ARHGAP39: variants seen among roughly 807,000 people sequenced by gnomAD.
ARHGAP39 encodes the protein Rho GTPase activating protein 39.
A neutral mutation model predicts 106.9 loss-of-function variants in ARHGAP39; 44 were observed. The observed-to-expected ratio is 0.41, with a 90% CI of 0.32 to 0.53. ARHGAP39 has a LOEUF of 0.53. Ranked by LOEUF, ARHGAP39 falls within the 20% of genes least tolerant of loss-of-function variation. ARHGAP39 has a pLI of 0.21. For missense variants in ARHGAP39, 1,496 were observed against 1,577.3 expected (o/e 0.95, Z 0.87); for synonymous variants, 768 against 693.2 (o/e 1.11, Z -1.69).
chr8:144,652,411 A>G (rs1821596642), intron 1 of ARHGAP39, among the ~76,000 whole-genome samples: 2 of 152,196 alleles, frequency 1.3e-5, no homozygotes, highest in Admixed American at 1.3e-4. Flanking sequence ...ATTATTGGGT[A>G]TACACCCAGA....
intron 1 of ARHGAP39, among the ~76,000 whole-genome samples, chr8:144,643,991 T>G (rs1586633808): frequency 1.3e-5 from 2 of 152,294 alleles, no homozygotes; most frequent in Admixed American, 6.5e-5. Flanking sequence ...CCTCGTACAC[T>G]GCAAGTAAGA....
rs565456977 is a variant in ARHGAP39, at chr8:144,604,750, C to T, written c.80+785G>A. Among the ~76,000 whole-genome samples, 29 of 152,260 alleles carry T rather than the reference C, an allele frequency of 1.9e-4. No homozygotes were observed. The highest frequency in any genetic ancestry group is 4.1e-4 in the South Asian group (2 of 4,822). ...TGGAGGCATGGGACACTGGCTGAGACGGGACAGGGCCAGATTTACTTGTGG... is the reference window on the plus strand; with the variant it reads ...TGGAGGCATGGGACACTGGCTGAGATGGGACAGGGCCAGATTTACTTGTGG... On this transcript the variant is annotated intron_variant, in intron 2 of 11. Transcript: ENST00000377307. This position sits in a 1 kb window ranked among gnomAD's most constrained non-coding sequence, Gnocchi z 4.1.
chr8:144,619,795 C>T (rs1296608082), intron 1 of ARHGAP39, among the ~76,000 whole-genome samples: 24 of 129,208 alleles, frequency 1.9e-4, no homozygotes, highest in African/African-American at 4.4e-4. Context: ...CGAGAGAGCG[C>T]GTGCCCGTGT....
chr8:144,680,410 G>C (rs1822376732), intron 1 of ARHGAP39, among the ~76,000 whole-genome samples: 1 of 152,242 alleles, frequency 6.6e-6, no homozygotes, highest in Non-Finnish European at 1.5e-5. Flanking sequence ...AGGCGCAGCT[G>C]TTGAATAAAA....
chr8:144,644,023 G>A lies in ARHGAP39; in HGVS notation c.-81-38328C>T, dbSNP rs1368701900. On this transcript the variant is annotated intron_variant, in intron 1 of 11. Coordinates refer to ENST00000377307, the MANE Select transcript of ARHGAP39 (RefSeq NM_025251.3). This position sits in a 1 kb window ranked among gnomAD's most constrained non-coding sequence, Gnocchi z 4.8. Reference sequence around the variant, plus strand: ...AAGAACTCACTTTGGAAAACAGTTTGGCAAAAATCTACCACGTGACCCAGC... The same window carrying A: ...AAGAACTCACTTTGGAAAACAGTTTAGCAAAAATCTACCACGTGACCCAGC... Among the ~76,000 whole-genome samples the A allele has an allele frequency of 6.6e-6, 1 of 152,162 alleles. No individual in the cohort carries two copies. Among genetic ancestry groups the A allele is most frequent in the Non-Finnish European group, 1.5e-5 (1 of 68,030 alleles).
At chr8:144,557,754 G>C (rs1020597501) in intron 3 of ARHGAP39, among the ~76,000 whole-genome samples, 1 of 152,146 alleles carries the variant, frequency 6.6e-6, no homozygotes. Context: ...GTAGTATTCA[G>C]TGGCAAAAGG....
chr8:144,542,622 T>TGGGGGGGGGGCCCC (rs1817240662), intron 6 of ARHGAP39, among the ~76,000 whole-genome samples: 1 of 147,826 alleles, frequency 6.8e-6, no homozygotes. Context: ...TTCTTTTTCC[T>TGGGGGGGGGGCCCC]ACCCGCCCCC....
chr8:144,601,742 GGCGTGT>G (rs1819968421), intron 2 of ARHGAP39, among the ~76,000 whole-genome samples: 1 of 141,528 alleles, frequency 7.1e-6, no homozygotes, highest in African/African-American at 2.7e-5. Context: ...TGTGCGTGGA[GGCGTGT>G]GTGCTCGTGA....
intron 2 of ARHGAP39, chr8:144,584,087 G>T (rs1347556208): frequency 6.6e-6 from 1 of 152,390 alleles, no homozygotes; most frequent in African/African-American, 2.4e-5. Context: ...AGTGGCATAT[G>T]TGTTTACATG....
In ARHGAP39 at chr8:144,547,856, C is replaced by A; in HGVS notation, c.1230G>T (p.Leu410=). 1 of 1,586,570 alleles carries A rather than the reference C, an allele frequency of 6.3e-7. No homozygotes were observed. The highest frequency in any genetic ancestry group is 8.6e-7 in the Non-Finnish European group (1 of 1,167,046). ...YVEQAGSSPK[L]RAGPRHKYAP... is the part of the protein sequence containing the mutation. ...CGTACTTGTGCCGCGGGCCGGCGCG[C>A]AGCTTGGGGCTGGAGCCCGCCTGCT... The change falls in exon 5 of 12, where the codon CTG becomes CTT. Residue 410 remains leucine, a synonymous_variant. Transcript: ENST00000377307. The surrounding 1 kb of genome is among the most constrained non-coding windows in gnomAD (Gnocchi z 5.2).
At chr8:144,579,417 T>C (rs1818886160) in intron 3 of ARHGAP39, among the ~76,000 whole-genome samples, 2 of 152,132 alleles carry the variant, frequency 1.3e-5, no homozygotes, top group Non-Finnish European at 2.9e-5. Context: ...CTGGTCCTCT[T>C]TGTGCCCGCC....
At chr8:144,532,253 A>T in intron 10 of ARHGAP39, 52 bp downstream of exon 10, 3 of 1,571,180 alleles carry the variant, frequency 1.9e-6, no homozygotes, top group Non-Finnish European at 2.6e-6. Flanking sequence ...GGCCCCTGAG[A>T]ACCACTGCCT....
chr8:144,697,029 A>G, the ARHGAP39 span, among the ~76,000 whole-genome samples: 2 of 152,204 alleles, frequency 1.3e-5, no homozygotes, highest in Non-Finnish European at 2.9e-5. Flanking sequence ...TCTTCTAAAT[A>G]TATTAATGAT....
chr8:144,662,630 A>AC (rs1821858723), intron 1 of ARHGAP39, among the ~76,000 whole-genome samples: 3 of 65,814 alleles, frequency 4.6e-5, no homozygotes, highest in African/African-American at 1.2e-4. Flanking sequence ...GCCGCTCCCC[A>AC]CTCCCCATTA....
rs1822092672 is a variant in ARHGAP39 at position 144,671,219 on chromosome 8, A to T, written c.-82+14467T>A. Among the ~76,000 whole-genome samples, 1 of 152,232 alleles carries T rather than the reference A, an allele frequency of 6.6e-6. No individual in the cohort carries two copies. Among genetic ancestry groups the T allele is most frequent in the Non-Finnish European group, 1.5e-5 (1 of 68,042 alleles). ...CTGACAAGAGTCTCTGCCCTGCAGC[A>T]TCTCCCAGCCAGGGGCACAGGGTCA... On this transcript the variant is annotated intron_variant, in intron 1 of 11. Transcript: ENST00000377307. This position sits in a 1 kb window ranked among gnomAD's most constrained non-coding sequence, Gnocchi z 4.5.
In ARHGAP39 at chr8:144,581,221, A is replaced by G; in HGVS notation, c.137T>C (p.Leu46Pro). ...GTCCCACACGCACTCACCGGTGACCAGGTTGGCGTACATGCGCTCGCGGGT... is the reference window on the plus strand; with the variant it reads ...GTCCCACACGCACTCACCGGTGACCGGGTTGGCGTACATGCGCTCGCGGGT... ...PRTRERMYAN[L>P]VTGECVWDPP... The change falls in exon 3 of 12, where the codon CTG becomes CCG. Residue 46 changes from leucine (L) to proline (P), a missense_variant. Physicochemically the swap from Leu to Pro is moderately conservative, Grantham distance 98. Coordinates refer to ENST00000377307, the MANE Select transcript of ARHGAP39 (RefSeq NM_025251.3). 6.4e-7 allele frequency: 1 copy of G among 1,555,842 alleles called. No homozygotes were observed. The highest frequency in any genetic ancestry group is 8.7e-7 in the Non-Finnish European group (1 of 1,150,536).
intron 3 of ARHGAP39, among the ~76,000 whole-genome samples, chr8:144,564,970 C>T (rs916723819): frequency 1.3e-4 from 20 of 152,084 alleles, no homozygotes; most frequent in African/African-American, 4.1e-4. Context: ...ATTAGCCAGG[C>T]GTGGAAGCAT....
chr8:144,578,549 T>C (rs945466020), intron 3 of ARHGAP39, among the ~76,000 whole-genome samples: 3 of 152,184 alleles, frequency 2.0e-5, no homozygotes, highest in Non-Finnish European at 4.4e-5. Context: ...CTTTGTACTT[T>C]GGCCATGCAC....
rs1331760123 is a variant in ARHGAP39 at position 144,591,693 on chromosome 8, G to A, written c.81-10416C>T. ...TTTTCGGCCTGAGCACCTGGAGGGC[G>A]GGGCTGTGTCAGGTCTGGGGTCAGA... is the stretch of plus-strand genomic sequence containing the variant. On this transcript the variant is annotated intron_variant, in intron 2 of 11. Coordinates refer to ENST00000377307, the MANE Select transcript of ARHGAP39 (RefSeq NM_025251.3). This position sits in a 1 kb window ranked among gnomAD's most constrained non-coding sequence, Gnocchi z 5.3. Among the ~76,000 whole-genome samples, 1 of 152,334 alleles carries A rather than the reference G, an allele frequency of 6.6e-6. No individual in the cohort carries two copies. The highest frequency in any genetic ancestry group is 2.1e-4 in the South Asian group (1 of 4,824).
Sources: allele counts gnomAD v4.1 joint callset (sites outside exome capture counted in the v4.1 genomes callset), GRCh38; gene constraint gnomAD v4.1.1; non-coding constraint Gnocchi (gnomAD v3.1); transcripts MANE v1.5; gene names NCBI Gene and HGNC (gene_info 2026-07-23, HGNC 2026-07-21).